The following TANC2 variants were observed in gnomAD, a reference collection of about 807,000 sequenced individuals.
TANC2 encodes protein TANC2.
In TANC2, 26 loss-of-function variants were observed where a neutral mutation model predicts 210.5. That is an observed-to-expected ratio of 0.12 (90% CI 0.09 to 0.17). The LOEUF (loss-of-function observed/expected upper bound fraction) is 0.17. Ranked by LOEUF, TANC2 falls within the 10% of genes least tolerant of loss-of-function variation. The probability of loss-of-function intolerance (pLI) is 1.00; values close to 1 mark genes in which losing one functional copy is unlikely to be tolerated. For missense variants in TANC2, 2,129 were observed against 2,608.9 expected (o/e 0.82, Z 4.01); for synonymous variants, 931 against 967.1 (o/e 0.96, Z 0.69).
rs540474769 is a variant in TANC2, at chr17:63,398,811, C to T, written c.3238-10C>T. On this transcript the variant is annotated splice_polypyrimidine_tract_variant and intron_variant, in intron 18 of 27. Coordinates refer to ENST00000689528, the Ensembl canonical transcript of TANC2. Reference sequence around the variant, plus strand: ...CCTGAAGTTTGAGCTGACACAACTTCTTGTTTCAGATTGTCTCCTACCTAC... The same window carrying T: ...CCTGAAGTTTGAGCTGACACAACTTTTTGTTTCAGATTGTCTCCTACCTAC... 5 of 1,564,964 alleles carry T rather than the reference C, an allele frequency of 3.2e-6. No homozygotes were observed. The African/African-American group carries it at 5.4e-5, about 17-fold the overall frequency.
At chr17:63,139,770 G>A (rs1216200169) in intron 4 of TANC2, among the ~76,000 whole-genome samples, 1 of 152,106 alleles carries the variant, frequency 6.6e-6, no homozygotes, top group African/African-American at 2.4e-5. Flanking sequence ...TGGGTGTGGT[G>A]GCATGCGCCT....
At chr17:63,025,186 A>C (rs190785835) in intron 2 of TANC2, among the ~76,000 whole-genome samples, 8 of 152,280 alleles carry the variant, frequency 5.3e-5, no homozygotes, top group Admixed American at 1.3e-4. Context: ...GTGTTAATAC[A>C]GTTGATGGTA....
intron 2 of TANC2, among the ~76,000 whole-genome samples, chr17:63,063,674 T>TTG (rs371281397): frequency 0.28 from 38,050 of 137,278 alleles, 5,597 homozygotes; most frequent in African/African-American, 0.4. Flanking sequence ...TTACCCAGTA[T>TTG]TGTGTGTGTG....
At chr17:63,085,623 C>T (rs935478336) in intron 3 of TANC2, among the ~76,000 whole-genome samples, 1 of 151,984 alleles carries the variant, frequency 6.6e-6, no homozygotes, top group African/African-American at 2.4e-5. Flanking sequence ...CCTGGCATCC[C>T]TTATATCATT....
chr17:63,379,924 G>GT, intron 15 of TANC2, 98 bp downstream of exon 15: 2 of 1,055,242 alleles, frequency 1.9e-6, no homozygotes, highest in Non-Finnish European at 2.8e-6. Flanking sequence ...GCCTTCTGAA[G>GT]TTCTTTTGCT....
chr17:63,137,535 A>C (rs2039132576), intron 4 of TANC2, among the ~76,000 whole-genome samples: 1 of 152,224 alleles, frequency 6.6e-6, no homozygotes, highest in Non-Finnish European at 1.5e-5. Flanking sequence ...AGTCATTATA[A>C]TGAAGATAGT....
intron 5 of TANC2, among the ~76,000 whole-genome samples, chr17:63,174,737 A>G (rs2040519836): frequency 6.6e-6 from 1 of 152,204 alleles, no homozygotes; most frequent in Non-Finnish European, 1.5e-5. Flanking sequence ...AGATTTCTAT[A>G]ATTGCATTTA....
At chr17:63,015,924 C>T (rs77977040) in intron 2 of TANC2, among the ~76,000 whole-genome samples, 2,870 of 149,808 alleles carry the variant, frequency 0.019, 94 homozygotes, top group African/African-American at 0.067. Flanking sequence ...CAAGTAATGC[C>T]GTTGTTTGAT....
intron 5 of TANC2, among the ~76,000 whole-genome samples, chr17:63,164,989 A>C (rs1466949655): frequency 6.6e-6 from 1 of 152,106 alleles, no homozygotes; most frequent in Non-Finnish European, 1.5e-5. Flanking sequence ...AACCATCAGA[A>C]TGCACTGTCT....
chr17:63,342,115 C>A (rs1443921607), intron 12 of TANC2, among the ~76,000 whole-genome samples: 2 of 152,040 alleles, frequency 1.3e-5, no homozygotes, highest in East Asian at 1.9e-4. Flanking sequence ...GATCTACCTG[C>A]CCCCCTCCAG....
chr17:63,305,520 C>T (rs1429826525), intron 9 of TANC2: 3 of 152,296 alleles, frequency 2.0e-5, no homozygotes, highest in Non-Finnish European at 2.9e-5. Flanking sequence ...ATCTTGGCCC[C>T]ACCCGCTATG....
At position 63,420,487 on chromosome 17, in the gene TANC2, C is replaced by T. The variant is rs2048992253; in HGVS notation, c.4757C>T (p.Pro1586Leu). The T allele has an allele frequency of 6.2e-7, 1 of 1,613,998 alleles. No homozygotes were observed. ...CAGAACTCACATTACAGGCCTAGCC[C>T]ACCACACACTTCCCCGGCTCATCAG... is the stretch of plus-strand genomic sequence containing the variant. Residue 1586 changes from proline (P) to leucine (L), a missense_variant, in exon 28 of 28, where the codon CCA (proline) becomes CTA (leucine). Pro to Leu is a moderately conservative substitution (Grantham distance 98). Transcript: ENST00000689528. The surrounding 1 kb of genome is among the most constrained non-coding windows in gnomAD (Gnocchi z 4.2).
intron 9 of TANC2, among the ~76,000 whole-genome samples, chr17:63,310,237 A>C (rs878962916): frequency 6.6e-6 from 1 of 152,184 alleles, no homozygotes; most frequent in Non-Finnish European, 1.5e-5. Flanking sequence ...ACTTAAGGTC[A>C]GGAGTTCGAG....
chr17:63,290,232 G>A (rs555784743), intron 9 of TANC2, among the ~76,000 whole-genome samples: 7 of 152,120 alleles, frequency 4.6e-5, no homozygotes, highest in Non-Finnish European at 7.3e-5. Context: ...AAATGGTGGC[G>A]GCCCCCATCT....
At chr17:63,377,622 A>G (rs969209840) in intron 14 of TANC2, among the ~76,000 whole-genome samples, 4 of 152,124 alleles carry the variant, frequency 2.6e-5, no homozygotes, top group Non-Finnish European at 4.4e-5. Flanking sequence ...GGAAGTTCCA[A>G]ACTTTCCCAC....
chr17:62,992,359 A>G lies in TANC2; in HGVS notation c.-23-17178A>G, dbSNP rs148504354. ...CCCTTGCATAGCCATGGCCCATCCC[A>G]GTGTAATAGTTCTTATGTGATATGT... On this transcript the variant is annotated intron_variant, in intron 1 of 27. Transcript: ENST00000689528. Among the ~76,000 whole-genome samples, 100 of 152,330 alleles carry G rather than the reference A, an allele frequency of 6.6e-4. No individual in the cohort carries two copies. In the South Asian group the frequency reaches 7.5e-3, roughly 11 times the overall value.
At chr17:63,232,112 A>G (rs2042492822) in intron 7 of TANC2, among the ~76,000 whole-genome samples, 1 of 152,146 alleles carries the variant, frequency 6.6e-6, no homozygotes, top group African/African-American at 2.4e-5. Flanking sequence ...CTATCAGGTC[A>G]TTTATGGTCC....
intron 5 of TANC2, among the ~76,000 whole-genome samples, chr17:63,165,286 G>A (rs1490966615): frequency 1.4e-5 from 2 of 146,870 alleles, no homozygotes; most frequent in African/African-American, 2.5e-5. Flanking sequence ...AAAAAAAAAA[G>A]AAAGAAATGC....
exon 14 of TANC2, chr17:63,354,786 A>G: frequency 6.4e-7 from 1 of 1,556,286 alleles, no homozygotes; most frequent in Non-Finnish European, 8.6e-7. Context: ...TTTTTAGGAA[A>G]TTACCAAGCT....
Sources: allele counts gnomAD v4.1 joint callset (sites outside exome capture counted in the v4.1 genomes callset), GRCh38; gene constraint gnomAD v4.1.1; non-coding constraint Gnocchi (gnomAD v3.1); transcripts MANE v1.5; gene names NCBI Gene and HGNC (gene_info 2026-07-23, HGNC 2026-07-21).